Variants in PKIA observed in about 807,000 individuals in gnomAD.
PKIA encodes the protein cAMP-dependent protein kinase inhibitor alpha.
In PKIA, 4 loss-of-function variants were observed where a neutral mutation model predicts 7.6. That is an observed-to-expected ratio of 0.52 (90% CI 0.26 to 1.20). The LOEUF (loss-of-function observed/expected upper bound fraction) is 1.20. Among genes scored for constraint, PKIA ranks in the 50% most tolerant of loss-of-function variants. PKIA has a pLI of 0.13. For synonymous variants in PKIA, 21 were observed against 30.7 expected (o/e 0.68, Z 1.04); for missense variants, 73 against 86.2 (o/e 0.85, Z 0.61).
intron 3 of PKIA, among the ~76,000 whole-genome samples, chr8:78,599,083 T>C (rs1808296389): frequency 6.6e-6 from 1 of 152,044 alleles, no homozygotes; most frequent in Non-Finnish European, 1.5e-5. Flanking sequence ...AATGGGTTTG[T>C]GAAAAATTTG....
chr8:78,524,036 TTA>T lies in PKIA; in HGVS notation c.-157+7577_-157+7578del, dbSNP rs1211594763. Among the ~76,000 whole-genome samples the T allele has an allele frequency of 1.0e-4, 10 of 100,360 alleles. 1 individual carries two copies. Among genetic ancestry groups the T allele is most frequent in the East Asian group, 2.4e-4 (1 of 4,146 alleles). The allele number at this position is 100,360 out of a possible 152,430, so 65.8% of individuals were successfully genotyped here. A position where few individuals can be genotyped will look rare whatever the true frequency, so the allele number is the denominator to read the frequency against. On this transcript the variant is annotated intron_variant, in intron 1 of 3. Coordinates refer to ENST00000396418, the MANE Select transcript of PKIA (RefSeq NM_006823.4). ...TATATATAAACGTTTATATAAACGT[TTA>T]TATATATAAATATATATAAACATTT...
rs975778673 is a variant in PKIA at position 78,604,731 on chromosome 8, T to C, written c.*2910T>C. ...CATTTTGTTTAATTACCAACAAACA[T>C]GGGGACTTTGGCTTTTTGACTTATT... On this transcript the variant is annotated 3_prime_UTR_variant, in exon 4 of 4. Coordinates refer to ENST00000396418, the MANE Select transcript of PKIA (RefSeq NM_006823.4). The C allele has an allele frequency of 6.6e-6, 1 of 152,012 alleles. No homozygotes were observed. Among genetic ancestry groups the C allele is most frequent in the Non-Finnish European group, 1.5e-5 (1 of 67,958 alleles). 9.4% of individuals were successfully genotyped at this position (152,012 alleles called of 1,614,324 possible).
intron 2 of PKIA, among the ~76,000 whole-genome samples, chr8:78,586,647 T>A (rs1807956029): frequency 6.6e-6 from 1 of 151,958 alleles, no homozygotes; most frequent in Non-Finnish European, 1.5e-5. Flanking sequence ...CAGATACTGT[T>A]GAGATATCAA....
At chr8:78,580,479 G>T (rs1305876278) in intron 2 of PKIA, among the ~76,000 whole-genome samples, 1 of 152,050 alleles carries the variant, frequency 6.6e-6, no homozygotes, top group Non-Finnish European at 1.5e-5. Flanking sequence ...CATGGGCAGG[G>T]TGGGTATACA....
intron 2 of PKIA, among the ~76,000 whole-genome samples, chr8:78,589,216 A>G (rs1808033504): frequency 6.6e-6 from 1 of 152,192 alleles, no homozygotes; most frequent in Non-Finnish European, 1.5e-5. Context: ...CAAAGTTATT[A>G]GGTAAGATTT....
In PKIA at chr8:78,600,004, T is replaced by C. The variant is rs191940484; in HGVS notation, c.151+1469T>C. Among the ~76,000 whole-genome samples the C allele has an allele frequency of 8.4e-3, 1,264 of 150,396 alleles. 15 individuals carry two copies. The highest frequency in any genetic ancestry group is 0.029 in the African/African-American group (1,202 of 41,338). On this transcript the variant is annotated intron_variant, in intron 3 of 3. Coordinates refer to ENST00000396418, the MANE Select transcript of PKIA (RefSeq NM_006823.4). ...TAAATATAAATAAAATAATTTCATA[T>C]GCATTATTTTACAATTAAATAATTT...
chr8:78,539,491 C>T (rs1218823986), intron 1 of PKIA, among the ~76,000 whole-genome samples: 1 of 152,030 alleles, frequency 6.6e-6, no homozygotes, highest in East Asian at 1.9e-4. Flanking sequence ...AGATGTAGAA[C>T]ATCTAACATC....
At chr8:78,591,660 C>T (rs1387108753) in intron 2 of PKIA, among the ~76,000 whole-genome samples, 1 of 151,924 alleles carries the variant, frequency 6.6e-6, no homozygotes, top group Non-Finnish European at 1.5e-5. Flanking sequence ...TGTCCATTTC[C>T]CTCTTTTCCC....
intron 1 of PKIA, among the ~76,000 whole-genome samples, chr8:78,540,159 A>T (rs1806643368): frequency 6.6e-6 from 1 of 151,958 alleles, no homozygotes; most frequent in African/African-American, 2.4e-5. Flanking sequence ...AAAAGGGTGT[A>T]ACTTGCTTCC....
chr8:78,568,036 G>A (rs897019085), intron 1 of PKIA, among the ~76,000 whole-genome samples: 1 of 152,096 alleles, frequency 6.6e-6, no homozygotes, highest in African/African-American at 2.4e-5. Context: ...TTACTGGGGA[G>A]TGGTATTAGC....
rs1021088885 is a variant in PKIA at position 78,602,409 on chromosome 8, C to T, written c.*588C>T. The T allele has an allele frequency of 5.2e-5, 8 of 152,532 alleles. No homozygotes were observed. In the East Asian group the frequency reaches 1.5e-3, roughly 30 times the overall value. The allele number at this position is 152,532 out of a possible 1,614,324, so 9.4% of individuals were successfully genotyped here. On this transcript the variant is annotated 3_prime_UTR_variant, in exon 4 of 4. Transcript: ENST00000396418. ...CATTACTGTGAATTTTTATACCACT[C>T]ATTTTTAAAAGGGCTGTCTTTTCAT... is the stretch of plus-strand genomic sequence containing the variant.
intron 1 of PKIA, among the ~76,000 whole-genome samples, chr8:78,531,521 T>C (rs1405409825): frequency 6.6e-6 from 1 of 152,114 alleles, no homozygotes; most frequent in Non-Finnish European, 1.5e-5. Context: ...CTAAGCACTA[T>C]TCTAAAACCA....
chr8:78,560,314 A>G (rs1317151735), intron 1 of PKIA, among the ~76,000 whole-genome samples: 1 of 152,240 alleles, frequency 6.6e-6, no homozygotes, highest in Non-Finnish European at 1.5e-5. Context: ...AACTAATCAT[A>G]AAATGTAAAT....
intron 1 of PKIA, chr8:78,535,689 T>G (rs1279772497): frequency 6.6e-6 from 1 of 152,090 alleles, no homozygotes; most frequent in East Asian, 1.9e-4. Context: ...CCTCCGAATC[T>G]GGGGTTCTGC....
chr8:78,558,364 C>T (rs1030185390), intron 1 of PKIA: 1 of 152,696 alleles, frequency 6.5e-6, no homozygotes, highest in African/African-American at 2.4e-5. Flanking sequence ...AGTCTGTTTT[C>T]ATGCTGCTGA....
At chr8:78,577,632 A>C (rs1358222270) in intron 2 of PKIA, among the ~76,000 whole-genome samples, 1 of 151,996 alleles carries the variant, frequency 6.6e-6, no homozygotes, top group Non-Finnish European at 1.5e-5. Context: ...ATACTAAACT[A>C]CTTCTTGACA....
At chr8:78,594,949 G>A (rs923913325) in intron 2 of PKIA, among the ~76,000 whole-genome samples, 6 of 152,104 alleles carry the variant, frequency 3.9e-5, no homozygotes, top group East Asian at 1.9e-4. Context: ...GAAAGGGTTT[G>A]GAATCCTTCC....
intron 1 of PKIA, among the ~76,000 whole-genome samples, chr8:78,526,004 G>C (rs1809537430): frequency 1.3e-5 from 2 of 152,008 alleles, no homozygotes; most frequent in South Asian, 4.1e-4. Context: ...TAACATAAAG[G>C]AGAACTCAGT....
chr8:78,553,089 G>GAA (rs200519145), intron 1 of PKIA, among the ~76,000 whole-genome samples: 4,861 of 121,604 alleles, frequency 0.04, 116 homozygotes, highest in South Asian at 0.073. Flanking sequence ...CCATTTGCAG[G>GAA]AAAAAAAAAA....
Sources: gnomAD v4.1 joint callset for allele counts (sites outside exome capture counted in the v4.1 genomes callset) on GRCh38, gnomAD v4.1.1 for gene constraint, MANE v1.5 for transcripts, NCBI Gene and HGNC (gene_info 2026-07-23, HGNC 2026-07-21) for gene names.